Variants in CNTN3 observed in about 807,000 individuals in gnomAD.
CNTN3 encodes contactin 3.
A neutral mutation model predicts 119.1 loss-of-function variants in CNTN3; 60 were observed. The ratio of observed to expected loss-of-function variants is 0.50; its 90% confidence interval spans 0.41 to 0.62. The LOEUF (loss-of-function observed/expected upper bound fraction) is 0.62, where lower values mean the gene tolerates loss of function less well. Ranked by LOEUF, CNTN3 falls within the 20% of genes least tolerant of loss-of-function variation. The probability of loss-of-function intolerance (pLI) is 0.00; values close to 1 mark genes in which losing one functional copy is unlikely to be tolerated. For missense variants in CNTN3, 1,101 were observed against 1,242.4 expected (o/e 0.89, Z 1.71); for synonymous variants, 450 against 438.7 (o/e 1.03, Z -0.32).
intron 19 of CNTN3, among the ~76,000 whole-genome samples, chr3:74,288,159 CT>C (rs3084509): frequency 0.021 from 1,907 of 90,324 alleles, 25 homozygotes; most frequent in African/African-American, 0.044. Context: ...CTTTTCTTTT[CT>C]TTTTTTTTTT....
intron 4 of CNTN3, among the ~76,000 whole-genome samples, chr3:74,456,195 A>C (rs977587004): frequency 1.3e-5 from 2 of 151,078 alleles, no homozygotes; most frequent in African/African-American, 4.9e-5. Flanking sequence ...TATAACTTTA[A>C]TGTTTTACAT....
chr3:74,405,790 C>G (rs149177766), intron 5 of CNTN3, among the ~76,000 whole-genome samples: 2,227 of 152,092 alleles, frequency 0.015, 52 homozygotes, highest in African/African-American at 0.05. Flanking sequence ...ATGACTATGG[C>G]TAGTATCCAA....
rs1238876901 is a variant in CNTN3 at position 74,325,983 on chromosome 3, C to G, written c.1668+8752G>C. On this transcript the variant is annotated intron_variant, in intron 13 of 22. Transcript: ENST00000263665. ...TCTTATCCCTACTTGATTTCTTACT[C>G]TAAGCACTCTCAGAATTGTTTAAAC... Among the ~76,000 whole-genome samples the G allele has an allele frequency of 2.0e-5, 3 of 152,124 alleles. No individual in the cohort carries two copies. In the East Asian group the frequency reaches 5.8e-4, roughly 29 times the overall value.
At chr3:74,316,837 A>C (rs1428910833) in intron 13 of CNTN3, among the ~76,000 whole-genome samples, 1 of 151,820 alleles carries the variant, frequency 6.6e-6, no homozygotes, top group Admixed American at 6.6e-5. Context: ...CTGAGGCAGG[A>C]GAATGGCGTG....
At chr3:74,360,672 T>C (rs1704054792) in intron 11 of CNTN3, among the ~76,000 whole-genome samples, 1 of 152,146 alleles carries the variant, frequency 6.6e-6, no homozygotes, top group African/African-American at 2.4e-5. Context: ...TCTGGAATCA[T>C]TTTGTACTCA....
chr3:74,447,435 T>C (rs573063966), intron 4 of CNTN3, among the ~76,000 whole-genome samples: 3 of 152,288 alleles, frequency 2.0e-5, no homozygotes, highest in Non-Finnish European at 4.4e-5. Flanking sequence ...CCCTGGGACA[T>C]ATGGCAGAGT....
intron 5 of CNTN3, among the ~76,000 whole-genome samples, chr3:74,380,760 C>G (rs1259379086): frequency 6.6e-6 from 1 of 152,112 alleles, no homozygotes; most frequent in Non-Finnish European, 1.5e-5. Context: ...AATAAAATAT[C>G]TGAAATAATT....
chr3:74,469,582 A>G (rs2106997384), intron 4 of CNTN3, among the ~76,000 whole-genome samples: 1 of 152,352 alleles, frequency 6.6e-6, no homozygotes, highest in South Asian at 2.1e-4. Context: ...ATAGTTGGCC[A>G]GTAAACACAT....
At chr3:74,268,452 C>G (rs1201280438) in intron 20 of CNTN3, among the ~76,000 whole-genome samples, 2 of 152,162 alleles carry the variant, frequency 1.3e-5, no homozygotes, top group Non-Finnish European at 2.9e-5. Context: ...ACATCATTGA[C>G]TCATGCCATA....
At chr3:74,481,267 T>C (rs1006749280) in intron 4 of CNTN3, among the ~76,000 whole-genome samples, 30 of 151,834 alleles carry the variant, frequency 2.0e-4, no homozygotes, top group African/African-American at 5.1e-4. Context: ...AATGAACATA[T>C]GGAGAACACC....
chr3:74,571,688 C>T (rs541787869), intron 1 of CNTN3, among the ~76,000 whole-genome samples: 2 of 152,132 alleles, frequency 1.3e-5, no homozygotes, highest in Non-Finnish European at 2.9e-5. Context: ...TTTATTGGTG[C>T]TTTTTGTCAA....
chr3:74,277,818 A>C (rs1359123164), intron 20 of CNTN3, among the ~76,000 whole-genome samples: 1 of 152,168 alleles, frequency 6.6e-6, no homozygotes, highest in Non-Finnish European at 1.5e-5. Flanking sequence ...GTAAAGAAGA[A>C]GTCAAACTGT....
chr3:74,511,763 A>G (rs1020543344), intron 2 of CNTN3, among the ~76,000 whole-genome samples: 7 of 152,190 alleles, frequency 4.6e-5, no homozygotes, highest in Non-Finnish European at 2.9e-5. Flanking sequence ...ACACAGCCAC[A>G]CTGACTTGTT....
rs541552546 is a variant in CNTN3 at position 74,557,214 on chromosome 3, T to A, written c.-80-36022A>T. Among the ~76,000 whole-genome samples the A allele has an allele frequency of 5.9e-4, 90 of 152,310 alleles. 1 individual carries two copies. The highest frequency in any genetic ancestry group is 2.1e-3 in the African/African-American group (88 of 41,578). On this transcript the variant is annotated intron_variant, in intron 1 of 22. Transcript: ENST00000263665. ...CATATCTAAGAAACCCATGCCTAAA[T>A]CAAGGTCCTGAAGATTTATATTTAC...
chr3:74,343,733 C>T (rs1384073273), intron 11 of CNTN3, among the ~76,000 whole-genome samples: 1 of 152,214 alleles, frequency 6.6e-6, no homozygotes, highest in African/African-American at 2.4e-5. Context: ...ATTTTTGAAA[C>T]TTGACTGTGT....
chr3:74,268,209 T>C (rs142583471), intron 20 of CNTN3, among the ~76,000 whole-genome samples: 1 of 152,018 alleles, frequency 6.6e-6, no homozygotes, highest in African/African-American at 2.4e-5. Flanking sequence ...TGCTAAGGGG[T>C]GAGGGTGTTG....
At chr3:74,418,978 G>GT (rs963806303) in intron 5 of CNTN3, among the ~76,000 whole-genome samples, 1 of 150,078 alleles carries the variant, frequency 6.7e-6, no homozygotes, top group African/African-American at 2.5e-5. Context: ...TTGTATTTTA[G>GT]TAGCGGGGCA....
chr3:74,527,536 C>G (rs1004774575), intron 1 of CNTN3, among the ~76,000 whole-genome samples: 1 of 151,830 alleles, frequency 6.6e-6, no homozygotes, highest in African/African-American at 2.4e-5. Flanking sequence ...TGATGCTATG[C>G]CAGAAAAAAA....
intron 1 of CNTN3, among the ~76,000 whole-genome samples, chr3:74,606,685 T>A (rs1051505573): frequency 6.6e-6 from 1 of 152,200 alleles, no homozygotes. Context: ...ATTATGGCAC[T>A]ATCAGATTAA....
Sources: allele counts gnomAD v4.1 joint callset (sites outside exome capture counted in the v4.1 genomes callset), GRCh38; gene constraint gnomAD v4.1.1; transcripts MANE v1.5; gene names NCBI Gene and HGNC (gene_info 2026-07-23, HGNC 2026-07-21).